Variants in LIPA observed in about 807,000 individuals in gnomAD.
LIPA encodes the protein lysosomal acid lipase/cholesteryl ester hydrolase.
Under a neutral mutation model 40.6 loss-of-function variants are expected in LIPA, and 26 were observed. The observed-to-expected ratio is 0.64, with a 90% CI of 0.47 to 0.89. LIPA has a LOEUF of 0.89. LIPA is among the 40% of genes least tolerant of loss of function. The pLI is 0.00. For missense variants in LIPA, 455 were observed against 479.6 expected (o/e 0.95, Z 0.48); for synonymous variants, 188 against 168.4 (o/e 1.12, Z -0.90).
Position 89,388,562 on chromosome 10 carries a change from G to C in LIPA, c.61+24229C>G, listed in dbSNP as rs149522838. ...ATGTTTAGTTTGGGAGGAAAAATAT[G>C]TACGTAAGATTTTTTATGTTAAGTA... is the stretch of plus-strand genomic sequence containing the variant. On this transcript the variant is annotated intron_variant, in intron 2 of 8. Coordinates refer to the LIPA transcript ENST00000371837. Among the ~76,000 whole-genome samples, 826 of 152,176 alleles carry C rather than the reference G, an allele frequency of 5.4e-3. 16 individuals carry two copies. The highest frequency in any genetic ancestry group is 0.019 in the African/African-American group (776 of 41,538).
At chr10:89,231,976 G>A (rs542291472) in intron 3 of LIPA, among the ~76,000 whole-genome samples, 1 of 152,322 alleles carries the variant, frequency 6.6e-6, no homozygotes, top group Admixed American at 6.5e-5. Flanking sequence ...CATTGTGGTA[G>A]ATACAGCGTC....
At chr10:89,291,688 AG>A (rs1018725542) in intron 1 of LIPA, among the ~76,000 whole-genome samples, 1 of 152,212 alleles carries the variant, frequency 6.6e-6, no homozygotes, top group African/African-American at 2.4e-5. Flanking sequence ...CCCCTGGGAA[AG>A]GTCCCATTAT....
At position 89,388,903 on chromosome 10, in the gene LIPA, T is replaced by A. The variant is rs548976038; in HGVS notation, c.61+23888A>T. ...CTGAGTGATATCATGGGCTGAGAGG[T>A]CTCTTGAAGTTTCATGAGAAGATAT... On this transcript the variant is annotated intron_variant, in intron 2 of 8. Transcript: ENST00000371837. Among the ~76,000 whole-genome samples the A allele has an allele frequency of 5.4e-4, 82 of 151,912 alleles. 2 individuals carry two copies. Among genetic ancestry groups the A allele is most frequent in the Non-Finnish European group, 2.9e-5 (2 of 67,952 alleles).
chr10:89,402,920 C>T (rs303210), intron 2 of LIPA: 328,996 of 1,613,896 alleles, frequency 0.2, 37,572 homozygotes, highest in East Asian at 0.43. Flanking sequence ...TAAATCCAGA[C>T]AATGGATATA....
chr10:89,296,196 T>C (rs1035382732), intron 1 of LIPA, among the ~76,000 whole-genome samples: 1 of 152,120 alleles, frequency 6.6e-6, no homozygotes, highest in East Asian at 1.9e-4. Context: ...CTAATAGAAC[T>C]TGTAAATAGA....
intron 1 of LIPA, among the ~76,000 whole-genome samples, chr10:89,316,523 G>A (rs532841059): frequency 3.2e-4 from 49 of 152,358 alleles, no homozygotes; most frequent in Non-Finnish European, 6.3e-4. Context: ...TGGGGGAGGG[G>A]CGCCCACCAT....
chr10:89,328,307 G>C (rs12242873), intron 1 of LIPA, among the ~76,000 whole-genome samples: 2,800 of 152,286 alleles, frequency 0.018, 51 homozygotes, highest in African/African-American at 0.044. Context: ...AACTACATGG[G>C]GGGAGGCAGG....
chr10:89,370,130 T>A (rs939956418), intron 2 of LIPA, among the ~76,000 whole-genome samples: 1 of 152,218 alleles, frequency 6.6e-6, no homozygotes, highest in Admixed American at 6.5e-5. Context: ...AATCTAAAAC[T>A]CAGTTCTTCA....
At chr10:89,373,249 G>A (rs1291423336) in intron 2 of LIPA, among the ~76,000 whole-genome samples, 5 of 149,920 alleles carry the variant, frequency 3.3e-5, no homozygotes, top group Non-Finnish European at 5.9e-5. Flanking sequence ...GCAGGAGAAT[G>A]GCGTGAACCC....
chr10:89,311,476 G>C (rs1315055264), intron 1 of LIPA, among the ~76,000 whole-genome samples: 1 of 141,054 alleles, frequency 7.1e-6, no homozygotes. Context: ...GTTGCAGTGA[G>C]ATGGTACCAC....
At chr10:89,325,793 A>C (rs1843594799) in intron 1 of LIPA, among the ~76,000 whole-genome samples, 1 of 152,198 alleles carries the variant, frequency 6.6e-6, no homozygotes, top group African/African-American at 2.4e-5. Flanking sequence ...TAATCTGTAC[A>C]CTAAAGCCTC....
At chr10:89,324,079 A>G (rs1843586803) in intron 1 of LIPA, among the ~76,000 whole-genome samples, 1 of 152,198 alleles carries the variant, frequency 6.6e-6, no homozygotes, top group African/African-American at 2.4e-5. Flanking sequence ...AAACAGACAC[A>G]TAGACCAATA....
intron 1 of LIPA, chr10:89,284,158 G>T (rs142990222): frequency 6.6e-6 from 1 of 152,398 alleles, no homozygotes; most frequent in East Asian, 1.9e-4. Flanking sequence ...CTCATAGGAG[G>T]GGTTGCTGGA....
chr10:89,289,971 C>T (rs1370943933), intron 1 of LIPA, among the ~76,000 whole-genome samples: 1 of 144,362 alleles, frequency 6.9e-6, no homozygotes, highest in Non-Finnish European at 1.5e-5. Flanking sequence ...TCGCTGAGGC[C>T]TTGACTTACT....
At chr10:89,276,195 G>A (rs1843288303) in intron 1 of LIPA, among the ~76,000 whole-genome samples, 1 of 152,178 alleles carries the variant, frequency 6.6e-6, no homozygotes, top group Non-Finnish European at 1.5e-5. Flanking sequence ...TACCTGCAGA[G>A]TAAGTATCTC....
At chr10:89,351,054 G>A (rs1332373091) in intron 2 of LIPA, among the ~76,000 whole-genome samples, 1 of 152,186 alleles carries the variant, frequency 6.6e-6, no homozygotes, top group Admixed American at 6.5e-5. Flanking sequence ...AGTGGCTCAC[G>A]CCTGTAATCC....
At chr10:89,248,769 C>T (rs1462286714) in intron 1 of LIPA, among the ~76,000 whole-genome samples, 22 of 152,138 alleles carry the variant, frequency 1.4e-4, no homozygotes, top group African/African-American at 4.6e-4. Context: ...CGTGAGCCAC[C>T]GCGCCCGGCC....
chr10:89,246,393 T>C (rs779514913), intron 2 of LIPA, among the ~76,000 whole-genome samples: 7 of 152,162 alleles, frequency 4.6e-5, no homozygotes, highest in Non-Finnish European at 8.8e-5. Context: ...ATCCAGGGGA[T>C]TTAATGTAAA....
chr10:89,226,084 C>T (rs1842766700), intron 5 of LIPA, among the ~76,000 whole-genome samples: 1 of 152,212 alleles, frequency 6.6e-6, no homozygotes, highest in Admixed American at 6.5e-5. Context: ...CGTCTTGCCA[C>T]CTGGCCCCAG....
Sources: allele counts gnomAD v4.1 joint callset (sites outside exome capture counted in the v4.1 genomes callset), GRCh38; gene constraint gnomAD v4.1.1; transcripts MANE v1.5; gene names NCBI Gene and HGNC (gene_info 2026-07-23, HGNC 2026-07-21).